NTN4: variants seen among roughly 807,000 people sequenced by gnomAD.
The protein encoded by NTN4 is netrin 4.
A neutral mutation model predicts 73.6 loss-of-function variants in NTN4; 32 were observed. That is an observed-to-expected ratio of 0.44 (90% CI 0.33 to 0.58). NTN4 has a LOEUF of 0.58. Among genes scored for constraint, NTN4 ranks in the 20% least tolerant of loss-of-function variants. The probability of loss-of-function intolerance (pLI) is 0.04; values close to 1 mark genes in which losing one functional copy is unlikely to be tolerated. For missense variants in NTN4, 654 were observed against 798.3 expected, an observed-to-expected ratio of 0.82 and a Z score of 2.18; for synonymous variants, 258 against 287.5, an observed-to-expected ratio of 0.90 and a Z score of 1.04.
chr12:95,667,220 T>C (rs376676855), intron 8 of NTN4, among the ~76,000 whole-genome samples: 3 of 151,548 alleles, frequency 2.0e-5, no homozygotes, highest in South Asian at 2.1e-4. Context: ...GATGGAGTCT[T>C]GCTCTGTCAT....
intron 2 of NTN4, among the ~76,000 whole-genome samples, chr12:95,769,546 A>C (rs949462235): frequency 5.3e-5 from 4 of 76,138 alleles, no homozygotes; most frequent in Non-Finnish European, 1.1e-4. Flanking sequence ...GAAGATTTAT[A>C]GACCAAAAAA....
At chr12:95,779,725 T>C (rs1206813799) in intron 2 of NTN4, among the ~76,000 whole-genome samples, 1 of 152,108 alleles carries the variant, frequency 6.6e-6, no homozygotes, top group Non-Finnish European at 1.5e-5. Context: ...AAAATGGCCA[T>C]ACTGCCCAAA....
At chr12:95,754,161 CCTT>C (rs2078930903) in intron 2 of NTN4, among the ~76,000 whole-genome samples, 2 of 152,110 alleles carry the variant, frequency 1.3e-5, no homozygotes, top group Admixed American at 1.3e-4. Flanking sequence ...CTGTTTTTCT[CCTT>C]CTTTTATTCC....
At chr12:95,721,506 C>A (rs565593822) in intron 3 of NTN4, among the ~76,000 whole-genome samples, 18 of 152,310 alleles carry the variant, frequency 1.2e-4, no homozygotes, top group African/African-American at 4.3e-4. Flanking sequence ...CAAGCCTCAA[C>A]AAGTCCTTAC....
At chr12:95,721,928 G>C (rs971216037) in intron 3 of NTN4, among the ~76,000 whole-genome samples, 7 of 152,100 alleles carry the variant, frequency 4.6e-5, no homozygotes, top group Non-Finnish European at 1.5e-5. Flanking sequence ...ATGCACACGT[G>C]CGCGCACACA....
At chr12:95,751,987 C>G (rs2078911874) in intron 2 of NTN4, among the ~76,000 whole-genome samples, 1 of 151,062 alleles carries the variant, frequency 6.6e-6, no homozygotes, top group Non-Finnish European at 1.5e-5. Flanking sequence ...TCCTGGACTA[C>G]AGCTATATCT....
At chr12:95,728,908 G>A (rs546579376) in intron 3 of NTN4, among the ~76,000 whole-genome samples, 14 of 152,234 alleles carry the variant, frequency 9.2e-5, no homozygotes, top group African/African-American at 3.4e-4. Context: ...TTGTTTAAAA[G>A]TGTGTGGAAC....
chr12:95,729,573 A>C (rs544261017), intron 3 of NTN4, among the ~76,000 whole-genome samples: 29 of 150,818 alleles, frequency 1.9e-4, no homozygotes, highest in Non-Finnish European at 3.1e-4. Flanking sequence ...TACTATTTGA[A>C]ATGGCTGTGG....
rs527480399 is a variant in NTN4, at chr12:95,659,045, T to G, written c.*41A>C. 2 of 1,554,650 alleles carry G rather than the reference T, an allele frequency of 1.3e-6. No individual in the cohort carries two copies. The highest frequency in any genetic ancestry group is 1.2e-5 in the South Asian group (1 of 80,450). On this transcript the variant is annotated 3_prime_UTR_variant, in exon 10 of 10. Coordinates refer to ENST00000343702, the MANE Select transcript of NTN4 (RefSeq NM_021229.4). ...TCTTCTTGCTCTAAAGTTTGTGTTT[T>G]GTACATAGACAAGTGCCATTATGTG...
intron 7 of NTN4, chr12:95,674,133 C>A (rs2078255320): frequency 1.3e-5 from 2 of 151,426 alleles, no homozygotes; most frequent in Middle Eastern, 6.8e-3. Flanking sequence ...CCACTGCACT[C>A]CAGCCTGGAC....
chr12:95,752,039 C>T (rs1431124086), intron 2 of NTN4, among the ~76,000 whole-genome samples: 1 of 151,564 alleles, frequency 6.6e-6, no homozygotes, highest in African/African-American at 2.4e-5. Context: ...CCTTTGCGTC[C>T]TCCTCTTGTA....
At chr12:95,696,338 C>T (rs1196188759) in intron 5 of NTN4, among the ~76,000 whole-genome samples, 2 of 152,076 alleles carry the variant, frequency 1.3e-5, no homozygotes, top group Non-Finnish European at 2.9e-5. Context: ...AATAGGCCTG[C>T]CACATGAGAG....
intron 5 of NTN4, among the ~76,000 whole-genome samples, chr12:95,691,764 C>T (rs1048884272): frequency 7.9e-5 from 12 of 152,030 alleles, no homozygotes; most frequent in African/African-American, 2.9e-4. Context: ...TTATTCTTTT[C>T]GTTATAATTT....
At chr12:95,738,242 A>G in intron 2 of NTN4, 98 bp from the exon 3 acceptor site, 2 of 1,123,326 alleles carry the variant, frequency 1.8e-6, no homozygotes, top group Middle Eastern at 2.1e-4. Context: ...GCCTTATGTC[A>G]TCTGTGAACG....
At chr12:95,703,771 A>C (rs1475326933) in intron 5 of NTN4, among the ~76,000 whole-genome samples, 3 of 152,148 alleles carry the variant, frequency 2.0e-5, no homozygotes, top group Non-Finnish European at 4.4e-5. Context: ...AATTTATTCT[A>C]AAATATTCTA....
chr12:95,786,590 A>G (rs999842991), intron 2 of NTN4, among the ~76,000 whole-genome samples: 1 of 152,174 alleles, frequency 6.6e-6, no homozygotes, highest in Non-Finnish European at 1.5e-5. Context: ...TGTGGGCTCC[A>G]GGAACAGACT....
chr12:95,672,750 G>C, intron 7 of NTN4: 1 of 1,372,888 alleles, frequency 7.3e-7, no homozygotes, highest in South Asian at 1.2e-5. Context: ...CAGATGATCA[G>C]CTATCCTCCT....
intron 3 of NTN4, among the ~76,000 whole-genome samples, chr12:95,727,110 C>T (rs2078700697): frequency 6.6e-6 from 1 of 151,714 alleles, no homozygotes; most frequent in Non-Finnish European, 1.5e-5. Context: ...TCTTTCTGAT[C>T]ATAGCCATGG....
At chr12:95,748,054 A>G (rs1326992767) in intron 2 of NTN4, among the ~76,000 whole-genome samples, 1 of 151,742 alleles carries the variant, frequency 6.6e-6, no homozygotes, top group Non-Finnish European at 1.5e-5. Flanking sequence ...ATATGGTGAA[A>G]CCCCATCTCT....
Sources: gnomAD v4.1 joint callset for allele counts (sites outside exome capture counted in the v4.1 genomes callset) on GRCh38, gnomAD v4.1.1 for gene constraint, MANE v1.5 for transcripts, NCBI Gene and HGNC (gene_info 2026-07-23, HGNC 2026-07-21) for gene names.